ARHGEF3: variants seen among roughly 807,000 people sequenced by gnomAD.
ARHGEF3 encodes 59.8 kDA protein.
ARHGEF3 carries 28 observed loss-of-function variants against 63.2 expected under a neutral mutation model. The observed-to-expected ratio is 0.44, with a 90% CI of 0.33 to 0.61. ARHGEF3 has a LOEUF of 0.61. Among genes scored for constraint, ARHGEF3 ranks in the 20% least tolerant of loss-of-function variants. ARHGEF3 has a pLI of 0.03. For missense variants in ARHGEF3, 533 were observed against 659.3 expected (o/e 0.81, Z 2.10); for synonymous variants, 266 against 254.2 (o/e 1.05, Z -0.44).
chr3:56,953,856 C>T (rs1362279781), intron 3 of ARHGEF3, among the ~76,000 whole-genome samples: 4 of 152,174 alleles, frequency 2.6e-5, no homozygotes, highest in East Asian at 1.9e-4. Context: ...AAAAGGAATA[C>T]ACCTGGAAAC....
At chr3:56,944,906 A>C (rs975458434) in intron 3 of ARHGEF3, among the ~76,000 whole-genome samples, 1 of 152,204 alleles carries the variant, frequency 6.6e-6, no homozygotes, top group Non-Finnish European at 1.5e-5. Context: ...GATAGAATCT[A>C]CTTGTGGCAA....
chr3:56,896,190 TAGAAGGTTTGCAAGTCCAGAATA>T (rs1410809668), intron 3 of ARHGEF3, among the ~76,000 whole-genome samples: 1 of 152,238 alleles, frequency 6.6e-6, no homozygotes, highest in Admixed American at 6.5e-5. Flanking sequence ...TTCAAACTTA[TAGAAGGTTTGCAAGTCCAGAATA>T]AGATACTCCT....
At chr3:56,994,330 C>T (rs969360271) in intron 2 of ARHGEF3, among the ~76,000 whole-genome samples, 3 of 152,052 alleles carry the variant, frequency 2.0e-5, no homozygotes, top group Non-Finnish European at 4.4e-5. Flanking sequence ...TGCCAGGTGC[C>T]ATTTCTGGAG....
intron 4 of ARHGEF3, among the ~76,000 whole-genome samples, chr3:56,817,556 AC>A (rs1420465300): frequency 6.6e-6 from 1 of 152,216 alleles, no homozygotes; most frequent in Non-Finnish European, 1.5e-5. Context: ...GGAAGTTCAC[AC>A]CTGAGTGCTG....
At chr3:56,921,321 A>G (rs1164605351) in intron 3 of ARHGEF3, among the ~76,000 whole-genome samples, 2 of 142,180 alleles carry the variant, frequency 1.4e-5, no homozygotes, top group Non-Finnish European at 3.2e-5. Flanking sequence ...TTCCAACATC[A>G]TAAGATTATT....
chr3:56,791,201 G>A (rs1278713923), intron 1 of ARHGEF3, among the ~76,000 whole-genome samples: 3 of 152,018 alleles, frequency 2.0e-5, no homozygotes, highest in Non-Finnish European at 2.9e-5. Flanking sequence ...CCCGGAGTTC[G>A]AGACCAGTCT....
At chr3:56,793,815 A>G (rs529391659) in intron 1 of ARHGEF3, among the ~76,000 whole-genome samples, 18 of 152,324 alleles carry the variant, frequency 1.2e-4, no homozygotes, top group Admixed American at 1.1e-3. Context: ...TATTTATATG[A>G]CAAAGATGTT....
intron 4 of ARHGEF3, among the ~76,000 whole-genome samples, chr3:56,864,458 C>G (rs991419727): frequency 5.9e-5 from 9 of 152,236 alleles, no homozygotes; most frequent in Admixed American, 2.6e-4. Flanking sequence ...ATGACTAGGT[C>G]AAGCTCCCTG....
chr3:57,001,130 G>C (rs1702176367), intron 2 of ARHGEF3, among the ~76,000 whole-genome samples: 1 of 151,834 alleles, frequency 6.6e-6, no homozygotes, highest in Non-Finnish European at 1.5e-5. Context: ...TGTAGAGATG[G>C]AGTCTTGCTA....
chr3:56,970,079 C>T (rs1218476562), intron 2 of ARHGEF3, among the ~76,000 whole-genome samples: 1 of 152,122 alleles, frequency 6.6e-6, no homozygotes, highest in African/African-American at 2.4e-5. Context: ...ACACAGATTC[C>T]TTTTGGGGTG....
chr3:56,969,367 A>C (rs1700805083), intron 2 of ARHGEF3, among the ~76,000 whole-genome samples: 2 of 113,864 alleles, frequency 1.8e-5, no homozygotes, highest in Non-Finnish European at 3.8e-5. Context: ...TATATAAAGA[A>C]GTGTTCTTTT....
At chr3:56,843,602 T>G (rs981260992) in intron 4 of ARHGEF3, among the ~76,000 whole-genome samples, 6 of 152,206 alleles carry the variant, frequency 3.9e-5, no homozygotes, top group Non-Finnish European at 5.9e-5. Context: ...AATCTAACAG[T>G]ATGCCTTGGC....
chr3:56,839,629 C>T (rs2039242446), intron 4 of ARHGEF3, among the ~76,000 whole-genome samples: 1 of 152,068 alleles, frequency 6.6e-6, no homozygotes, highest in Non-Finnish European at 1.5e-5. Context: ...TATAAAACAA[C>T]GAAACAAAGA....
At chr3:57,014,217 C>CTA (rs574083368) in intron 2 of ARHGEF3, among the ~76,000 whole-genome samples, 113 of 152,322 alleles carry the variant, frequency 7.4e-4, no homozygotes, top group African/African-American at 2.6e-3. Flanking sequence ...CCAAACACGT[C>CTA]TGAATATCCG....
At chr3:56,855,678 C>CAA (rs554805338) in intron 4 of ARHGEF3, among the ~76,000 whole-genome samples, 5 of 117,786 alleles carry the variant, frequency 4.2e-5, no homozygotes, top group Admixed American at 8.9e-5. Flanking sequence ...GAGACTGTCT[C>CAA]AAAAAAAAAA....
chr3:56,793,945 G>A (rs2037217760), intron 1 of ARHGEF3, among the ~76,000 whole-genome samples: 1 of 152,184 alleles, frequency 6.6e-6, no homozygotes, highest in Admixed American at 6.5e-5. Flanking sequence ...GTATCATACA[G>A]TATCCTTGCA....
upstream of ARHGEF3, among the ~76,000 whole-genome samples, chr3:56,803,140 T>C (rs1279054775): frequency 6.6e-6 from 1 of 152,238 alleles, no homozygotes; most frequent in Non-Finnish European, 1.5e-5. Flanking sequence ...CCAGTTCCCC[T>C]GTGGCTGAAG....
chr3:56,762,587 G>GT (rs2035480863), intron 2 of ARHGEF3, among the ~76,000 whole-genome samples: 2 of 152,146 alleles, frequency 1.3e-5, no homozygotes, highest in South Asian at 4.2e-4. Flanking sequence ...AATGCCGCCT[G>GT]TTCAGCGGAG....
At position 56,880,241 on chromosome 3, in the gene ARHGEF3, A is replaced by G. The variant is rs553011382; in HGVS notation, c.192+2051T>C. The stretch of plus-strand genomic sequence containing the variant: ...CATAGGGATCGGCCATGTTGGTGGT[A>G]ATGGGGTAGATTTATCTTCTATACA... On this transcript the variant is annotated intron_variant, in intron 4 of 12. Transcript: ENST00000338458. 1.8e-4 allele frequency among the ~76,000 whole-genome samples: 28 copies of G among 152,350 alleles called. No individual in the cohort carries two copies. In the East Asian group the frequency reaches 5.2e-3, roughly 28 times the overall value.
Sources: allele counts gnomAD v4.1 joint callset (sites outside exome capture counted in the v4.1 genomes callset), GRCh38; gene constraint gnomAD v4.1.1; transcripts MANE v1.5; gene names NCBI Gene and HGNC (gene_info 2026-07-23, HGNC 2026-07-21).